Variants in CEMIP observed in about 807,000 individuals in gnomAD.
The protein encoded by CEMIP is cell migration-inducing and hyaluronan-binding protein.
Under a neutral mutation model 156.9 loss-of-function variants are expected in CEMIP, and 105 were observed. The ratio of observed to expected loss-of-function variants is 0.67; its 90% CI spans 0.57 to 0.79. The LOEUF is 0.79. CEMIP is among the 30% of genes least tolerant of loss of function. The pLI is 0.00. For missense variants in CEMIP, 1,457 were observed against 1,769.4 expected (o/e 0.82, Z 3.17); for synonymous variants, 676 against 668.4 (o/e 1.01, Z -0.17).
intron 14 of CEMIP, 34 bp from the exon 15 acceptor site, chr15:80,920,060 G>T (rs372537792): frequency 1.9e-6 from 3 of 1,602,302 alleles, no homozygotes; most frequent in African/African-American, 2.7e-5. Flanking sequence ...ATAACTGGAT[G>T]CTTGGTGAAA....
Position 80,933,296 on chromosome 15 carries a change from G to A in CEMIP, c.2845G>A (p.Asp949Asn). 6.2e-7 allele frequency: 1 copy of A among 1,614,200 alleles called. No homozygotes were observed. The highest frequency in any genetic ancestry group is 1.1e-5 in the South Asian group (1 of 91,082). The change falls in exon 23 of 30, where the codon GAC (aspartate) becomes AAC (asparagine). Residue 949 changes from aspartate to asparagine, a missense_variant. Around this residue, in one of 5 missense-constraint regions of CEMIP, gnomAD observed 798 missense variants for 980.1 expected, o/e 0.81. Transcript: ENST00000394685. ...GEPGPWFNQL[D>N]MDGDKTSVFH... ...GCCTGGGCCCTGGTTCAACCAGCTG[G>A]ACATGGATGGGGATAAGACATCTGT...
At chr15:80,891,152 A>AAATGC (rs1376930928) in intron 10 of CEMIP, among the ~76,000 whole-genome samples, 1 of 152,228 alleles carries the variant, frequency 6.6e-6, no homozygotes, top group Non-Finnish European at 1.5e-5. Context: ...ATACTTCTGG[A>AAATGC]AATGCTCAAG....
Position 80,920,183 on chromosome 15 carries a change from T to C in CEMIP, c.1887T>C (p.Leu629=), listed in dbSNP as rs781055653. ...AACGCAACACTTTTGACCACTGTCT[T>C]GGCCTCCTTGTCAAGTCTGGAACCC... ...PEERNTFDHC[L]GLLVKSGTLL... Residue 629 remains leucine, a synonymous_variant, in exon 15 of 30, where the codon CTT becomes CTC. Transcript: ENST00000394685. The C allele has an allele frequency of 2.0e-5, 32 of 1,614,118 alleles. No homozygotes were observed. The highest frequency in any genetic ancestry group is 2.4e-5 in the Non-Finnish European group (28 of 1,180,050).
At chr15:80,936,537 T>C in intron 23 of CEMIP, 137 bp from the exon 24 acceptor site, 1 of 811,392 alleles carries the variant, frequency 1.2e-6, no homozygotes, top group Non-Finnish European at 2.1e-6. Context: ...CTTTCTTTCA[T>C]TCAAGCCTTC....
chr15:80,865,171 A>G (rs781569952), intron 1 of CEMIP, among the ~76,000 whole-genome samples: 20 of 152,036 alleles, frequency 1.3e-4, no homozygotes, highest in Non-Finnish European at 2.5e-4. Context: ...GAGGAACTAA[A>G]TTTTTTATTT....
At chr15:80,815,952 T>G (rs950872339) in intron 1 of CEMIP, among the ~76,000 whole-genome samples, 4 of 152,204 alleles carry the variant, frequency 2.6e-5, no homozygotes, top group African/African-American at 9.7e-5. Flanking sequence ...GAATAAATAC[T>G]TTTCCTGGGA....
intron 1 of CEMIP, among the ~76,000 whole-genome samples, chr15:80,844,910 C>T (rs770075174): frequency 1.3e-5 from 2 of 152,178 alleles, no homozygotes; most frequent in Non-Finnish European, 1.5e-5. Flanking sequence ...GCCCCAGAAC[C>T]GAGCACTCAC....
intron 1 of CEMIP, among the ~76,000 whole-genome samples, chr15:80,786,032 A>C (rs1261973899): frequency 1.3e-5 from 2 of 152,102 alleles, no homozygotes; most frequent in Non-Finnish European, 2.9e-5. Context: ...ATCTTAGTAA[A>C]TCCAATTTAA....
chr15:80,926,836 C>CTTTTTTTTTTTTTTTTTTT (rs796068914), intron 19 of CEMIP, among the ~76,000 whole-genome samples: 1 of 106,774 alleles, frequency 9.4e-6, no homozygotes, highest in African/African-American at 5.2e-5. Context: ...GGGGGGTCTT[C>CTTTTTTTTTTTTTTTTTTT]TTTTTTTTTT....
intron 17 of CEMIP, 106 bp from the exon 18 acceptor site, chr15:80,924,515 C>T (rs1367356534): frequency 5.3e-6 from 5 of 935,868 alleles, no homozygotes; most frequent in South Asian, 4.1e-5. Context: ...GAGAACAGAG[C>T]TGGTTTTCCC....
chr15:80,918,224 G>A (rs1165619488), intron 14 of CEMIP, among the ~76,000 whole-genome samples: 2 of 152,104 alleles, frequency 1.3e-5, no homozygotes, highest in African/African-American at 2.4e-5. Flanking sequence ...GTAGTGAGCC[G>A]AGATCATGCC....
At chr15:80,865,432 G>A (rs561229916) in intron 1 of CEMIP, among the ~76,000 whole-genome samples, 4 of 152,004 alleles carry the variant, frequency 2.6e-5, no homozygotes, top group African/African-American at 4.8e-5. Flanking sequence ...CACCAGCCTC[G>A]GCCTCCCAAA....
intron 12 of CEMIP, chr15:80,897,233 A>G (rs1182284856): frequency 2.2e-6 from 1 of 455,708 alleles, no homozygotes; most frequent in Non-Finnish European, 4.4e-6. Flanking sequence ...TGGATTGAGA[A>G]AGCGTATCCA....
chr15:80,837,307 G>A (rs775015553), intron 1 of CEMIP, among the ~76,000 whole-genome samples: 17 of 152,204 alleles, frequency 1.1e-4, no homozygotes, highest in Non-Finnish European at 1.9e-4. Context: ...TGGAATGAAC[G>A]AGAGAGATGG....
intron 1 of CEMIP, among the ~76,000 whole-genome samples, chr15:80,828,396 A>G (rs950223138): frequency 1.3e-5 from 2 of 151,846 alleles, no homozygotes; most frequent in Non-Finnish European, 2.9e-5. Flanking sequence ...AAAAAAAAAA[A>G]TGCCGAATGC....
chr15:80,806,153 A>G (rs1275185930), intron 1 of CEMIP, among the ~76,000 whole-genome samples: 3 of 152,254 alleles, frequency 2.0e-5, no homozygotes, highest in Non-Finnish European at 4.4e-5. Flanking sequence ...GGAGGCTGGC[A>G]TGCCCATACC....
intron 3 of CEMIP, among the ~76,000 whole-genome samples, chr15:80,878,128 C>T (rs1042083379): frequency 1.3e-5 from 2 of 152,176 alleles, no homozygotes; most frequent in Non-Finnish European, 2.9e-5. Flanking sequence ...CTCAGGGAAG[C>T]CTACAGTGTG....
chr15:80,908,552 G>A (rs1423062091), intron 13 of CEMIP, among the ~76,000 whole-genome samples: 6 of 152,160 alleles, frequency 3.9e-5, no homozygotes, highest in African/African-American at 1.2e-4. Flanking sequence ...CGTGAAGTGA[G>A]TGTGTGGCAT....
At chr15:80,811,231 AG>A (rs1896665429) in intron 1 of CEMIP, among the ~76,000 whole-genome samples, 6 of 152,192 alleles carry the variant, frequency 3.9e-5, no homozygotes, top group Admixed American at 3.9e-4. Flanking sequence ...TGGTGAAAAA[AG>A]GTATATAAAC....
Sources: allele counts gnomAD v4.1 joint callset (sites outside exome capture counted in the v4.1 genomes callset), GRCh38; gene constraint gnomAD v4.1.1; regional missense constraint gnomAD v4.1.1; transcripts MANE v1.5; gene names NCBI Gene and HGNC (gene_info 2026-07-23, HGNC 2026-07-21).